The following CELF2 variants were observed in gnomAD, a reference collection of about 807,000 sequenced individuals.
The protein encoded by CELF2 is CUG triplet repeat RNA-binding protein 2.
In CELF2, 8 loss-of-function variants were observed where a neutral mutation model predicts 62.6. The observed-to-expected ratio is 0.13, with a 90% CI of 0.07 to 0.23. The LOEUF (loss-of-function observed/expected upper bound fraction) is 0.23. Among genes scored for constraint, CELF2 ranks in the 10% least tolerant of loss-of-function variants. The pLI, the probability that CELF2 is intolerant of heterozygous loss-of-function variation, is 1.00. For missense variants in CELF2, 333 were observed against 671.0 expected, an observed-to-expected ratio of 0.50 and a Z score of 5.56; for synonymous variants, 258 against 250.0, an observed-to-expected ratio of 1.03 and a Z score of -0.30.
chr10:10,910,068 G>A (rs1258348764), intron 1 of CELF2, among the ~76,000 whole-genome samples: 2 of 152,210 alleles, frequency 1.3e-5, no homozygotes, highest in African/African-American at 4.8e-5. Flanking sequence ...AAATTATCAA[G>A]AGTAGAGATG....
In CELF2 at chr10:11,165,651, G is replaced by A; in HGVS notation, c.240G>A (p.Arg80=). The change falls in exon 2 of 13, where the codon CGG becomes CGA. Residue 80 remains arginine, a synonymous_variant. Coordinates refer to ENST00000633077, the MANE Select transcript of CELF2 (RefSeq NM_001326342.2). This position sits in a 1 kb window ranked among gnomAD's most constrained non-coding sequence, Gnocchi z 7.4. ...YGAVYQINVL[R]DRSQNPPQSK... is the part of the protein sequence containing the mutation. ...CCGTCTACCAGATCAACGTCCTCCGGGACCGGAGTCAGAACCCTCCGCAGA... is the reference window on the plus strand; with the variant it reads ...CCGTCTACCAGATCAACGTCCTCCGAGACCGGAGTCAGAACCCTCCGCAGA... 12 of 1,613,974 alleles carry A rather than the reference G, an allele frequency of 7.4e-6. No homozygotes were observed. The highest frequency in any genetic ancestry group is 1.0e-5 in the Non-Finnish European group (12 of 1,179,906).
intron 1 of CELF2, among the ~76,000 whole-genome samples, chr10:10,819,798 C>A (rs1352354164): frequency 6.6e-6 from 1 of 152,084 alleles, no homozygotes; most frequent in Admixed American, 6.5e-5. Flanking sequence ...TTTTCATGCA[C>A]CTTCAGTTCC....
chr10:11,286,901 A>AC (rs1401648581), intron 8 of CELF2, among the ~76,000 whole-genome samples: 1 of 152,198 alleles, frequency 6.6e-6, no homozygotes, highest in Admixed American at 6.5e-5. Context: ...CTGGAAGAAG[A>AC]CAGAGTATCA....
the CELF2 span, among the ~76,000 whole-genome samples, chr10:10,550,701 C>CGT: frequency 1.4e-5 from 2 of 142,470 alleles, no homozygotes; most frequent in Non-Finnish European, 1.5e-5. Context: ...CATGTGATGT[C>CGT]TTTTTTTTTT....
At chr10:10,952,504 G>A (rs968565791) in intron 2 of CELF2, among the ~76,000 whole-genome samples, 5 of 152,246 alleles carry the variant, frequency 3.3e-5, no homozygotes, top group African/African-American at 4.8e-5. Context: ...TTGGACTCAG[G>A]AGAGGAAGTT....
chr10:11,089,297 C>G (rs2047669858), intron 1 of CELF2, among the ~76,000 whole-genome samples: 1 of 152,176 alleles, frequency 6.6e-6, no homozygotes, highest in African/African-American at 2.4e-5. Flanking sequence ...ATGACTAATT[C>G]AGTTAACACT....
chr10:11,044,645 A>G (rs1765667158), intron 1 of CELF2, among the ~76,000 whole-genome samples: 1 of 152,238 alleles, frequency 6.6e-6, no homozygotes, highest in African/African-American at 2.4e-5. Flanking sequence ...GTTTTAATAC[A>G]TTATAACAGT....
chr10:10,682,498 A>T, the CELF2 span, among the ~76,000 whole-genome samples: 1 of 152,220 alleles, frequency 6.6e-6, no homozygotes, highest in Non-Finnish European at 1.5e-5. Context: ...CCATCAGGTA[A>T]GAGCTTGCTT....
At chr10:11,151,614 G>A (rs955928314) in intron 1 of CELF2, among the ~76,000 whole-genome samples, 28 of 152,098 alleles carry the variant, frequency 1.8e-4, no homozygotes, top group African/African-American at 6.8e-4. Context: ...TGTAGAACCT[G>A]TGGCTCCAGA....
In CELF2 at chr10:11,315,275, A is replaced by G. The variant is rs748073509; in HGVS notation, c.1096+1017A>G. Among the ~76,000 whole-genome samples, 5 of 152,150 alleles carry G rather than the reference A, an allele frequency of 3.3e-5. No individual in the cohort carries two copies. The highest frequency in any genetic ancestry group is 3.3e-4 in the Admixed American group (5 of 15,282). On this transcript the variant is annotated intron_variant, in intron 10 of 12. Coordinates refer to ENST00000633077, the MANE Select transcript of CELF2 (RefSeq NM_001326342.2). The surrounding 1 kb of genome is among the most constrained non-coding windows in gnomAD (Gnocchi z 5.8). ...AACAGAGCTGCTGATACGGGAGCCC[A>G]GTTAGCTACCATGCAGCCCAGGCAC...
the CELF2 span, among the ~76,000 whole-genome samples, chr10:10,695,545 C>T: frequency 1.1e-4 from 17 of 150,796 alleles, no homozygotes; most frequent in South Asian, 1.7e-3. Context: ...TGAATCTGAA[C>T]GTTGGCCTGC....
chr10:11,328,725 CCAGCTGCTCCA>C lies in CELF2; in HGVS notation c.1439-191_1439-181del, dbSNP rs1388453706. 6.6e-6 allele frequency among the ~76,000 whole-genome samples: 1 copy of C among 152,172 alleles called. No individual in the cohort carries two copies. Among genetic ancestry groups the C allele is most frequent in the Non-Finnish European group, 1.5e-5 (1 of 68,020 alleles). The stretch of plus-strand genomic sequence containing the variant: ...CCATGATGCCACATTTCCAGTCCAG[CCAGCTGCTCCA>C]CAGCTGCTCAGTGGGCACGCCCCAT... On this transcript the variant is annotated intron_variant, in intron 12 of 12. Coordinates refer to ENST00000633077, the MANE Select transcript of CELF2 (RefSeq NM_001326342.2). The surrounding 1 kb of genome is among the most constrained non-coding windows in gnomAD (Gnocchi z 6.4).
At chr10:11,113,452 A>T (rs1224987453) in intron 1 of CELF2, among the ~76,000 whole-genome samples, 1 of 152,202 alleles carries the variant, frequency 6.6e-6, no homozygotes, top group Non-Finnish European at 1.5e-5. Context: ...ATATAGAAAC[A>T]TATCAGAGGG....
intron 1 of CELF2, chr10:11,164,943 G>T: frequency 2.4e-6 from 1 of 424,090 alleles, no homozygotes; most frequent in Non-Finnish European, 3.2e-6. Context: ...TCTTGCATTA[G>T]TCATCTGACG....
intron 5 of CELF2, among the ~76,000 whole-genome samples, chr10:11,261,944 C>A (rs1195762301): frequency 6.6e-6 from 1 of 152,200 alleles, no homozygotes; most frequent in Non-Finnish European, 1.5e-5. Flanking sequence ...CTCACTTACC[C>A]ACAATCCCAC....
the CELF2 span, among the ~76,000 whole-genome samples, chr10:10,650,232 C>A: frequency 6.6e-6 from 1 of 152,086 alleles, no homozygotes; most frequent in Non-Finnish European, 1.5e-5. Flanking sequence ...AACAAAAAGG[C>A]CCCCATTGAA....
At chr10:11,251,270 ATTTTTTTTT>A (rs66615560) in intron 4 of CELF2, among the ~76,000 whole-genome samples, 1 of 63,300 alleles carries the variant, frequency 1.6e-5, no homozygotes, top group Non-Finnish European at 2.6e-5. Context: ...ACACAAAGGG[ATTTTTTTTT>A]TTTTTTTTTT....
intron 2 of CELF2, among the ~76,000 whole-genome samples, chr10:11,179,114 C>T (rs928051166): frequency 5.9e-5 from 9 of 152,180 alleles, no homozygotes; most frequent in South Asian, 2.1e-4. Flanking sequence ...ACACATCCTT[C>T]GGAGTAATTT....
At chr10:11,093,377 A>C (rs973521142) in intron 1 of CELF2, among the ~76,000 whole-genome samples, 2 of 152,228 alleles carry the variant, frequency 1.3e-5, no homozygotes, top group Non-Finnish European at 2.9e-5. Flanking sequence ...GTCTTCACAA[A>C]GGGTATTGTG....
Sources: gnomAD v4.1 joint callset for allele counts (sites outside exome capture counted in the v4.1 genomes callset) on GRCh38, gnomAD v4.1.1 for gene constraint, Gnocchi (gnomAD v3.1) non-coding constraint, MANE v1.5 for transcripts, NCBI Gene and HGNC (gene_info 2026-07-23, HGNC 2026-07-21) for gene names.